The following PPL variants were observed in gnomAD, a reference collection of about 807,000 sequenced individuals.
The protein encoded by PPL is 190 kDa paraneoplastic pemphigus antigen.
Under a neutral mutation model 194.4 loss-of-function variants are expected in PPL, and 198 were observed. That is an observed-to-expected ratio of 1.02 (90% CI 0.91 to 1.15). The LOEUF is 1.15. Among genes scored for constraint, PPL ranks in the 50% most tolerant of loss-of-function variants. PPL has a pLI of 0.00. For missense variants in PPL, 2,885 were observed against 2,294.8 expected (o/e 1.26, Z -5.25); for synonymous variants, 1,220 against 972.4 (o/e 1.25, Z -4.74).
chr16:4,924,771 G>C lies in PPL; in HGVS notation c.62+12213C>G, dbSNP rs1279120961. 3.9e-5 allele frequency among the ~76,000 whole-genome samples: 6 copies of C among 152,326 alleles called. No individual in the cohort carries two copies. The South Asian group carries it at 8.3e-4, about 21-fold the overall frequency. On this transcript the variant is annotated intron_variant, in intron 1 of 21. Coordinates refer to ENST00000345988, the MANE Select transcript of PPL (RefSeq NM_002705.5). Reference sequence around the variant, plus strand: ...CAGAGCCCCTGCAACCCTGTCCATAGGCCATGGGGCTGTGCTGGAGGCACC... The same window carrying C: ...CAGAGCCCCTGCAACCCTGTCCATACGCCATGGGGCTGTGCTGGAGGCACC...
chr16:4,886,725 TCTC>T (rs1464717869), intron 21 of PPL, among the ~76,000 whole-genome samples: 4 of 152,218 alleles, frequency 2.6e-5, no homozygotes, highest in African/African-American at 9.6e-5. Context: ...TTCAAGCAAT[TCTC>T]CTGCCTCAGT....
rs781664389 is a variant in PPL at position 4,884,374 on chromosome 16, C to A, written c.4281G>T (p.Leu1427=). 1.8e-5 allele frequency: 29 copies of A among 1,611,766 alleles called. No individual in the cohort carries two copies. In the South Asian group the frequency reaches 3.2e-4, roughly 18 times the overall value. Residue 1427 remains leucine (L), a synonymous_variant, in exon 22 of 22, where the codon CTG becomes CTT. Transcript: ENST00000345988. This position sits in a 1 kb window ranked among gnomAD's most constrained non-coding sequence, Gnocchi z 5.7. ...CAGCTTCTTCCTGCTCCAGCGCTGCCAGCCGCTGCTGCAACCGCTGTACCT... is the reference window on the plus strand; with the variant it reads ...CAGCTTCTTCCTGCTCCAGCGCTGCAAGCCGCTGCTGCAACCGCTGTACCT... ...EREVQRLQQR[L]AALEQEEAEA... is the part of the protein sequence containing the mutation.
In PPL at chr16:4,885,125, A is replaced by G; in HGVS notation, c.3530T>C (p.Ile1177Thr). ...TTCCGCCTTGGGGTCTGGCCGCACG[A>G]TCTCCCGCACCTTCTCCTGCACCAC... ...KVVVQEKVRE[I>T]VRPDPKAESE... is the part of the protein sequence containing the mutation. Residue 1177 changes from isoleucine (I) to threonine (T), a missense_variant, in exon 22 of 22, where the codon ATC becomes ACC. Coordinates refer to ENST00000345988, the MANE Select transcript of PPL (RefSeq NM_002705.5). The surrounding 1 kb of genome is among the most constrained non-coding windows in gnomAD (Gnocchi z 6.3). 6.2e-7 allele frequency: 1 copy of G among 1,613,742 alleles called. No individual in the cohort carries two copies. Among genetic ancestry groups the G allele is most frequent in the East Asian group, 2.2e-5 (1 of 44,848 alleles).
chr16:4,907,334 ACACACACACACACAC>A (rs2088709882), intron 2 of PPL, among the ~76,000 whole-genome samples: 1 of 151,476 alleles, frequency 6.6e-6, no homozygotes, highest in Non-Finnish European at 1.5e-5. Context: ...ACACACACAC[ACACACACACACACAC>A]ACACACGGAC....
chr16:4,899,921 G>T (rs1239603266), intron 6 of PPL, among the ~76,000 whole-genome samples: 1 of 152,186 alleles, frequency 6.6e-6, no homozygotes, highest in African/African-American at 2.4e-5. Flanking sequence ...TTGCATTTTG[G>T]TACGTGGGGC....
At chr16:4,924,607 G>A (rs1232784349) in intron 1 of PPL, among the ~76,000 whole-genome samples, 4 of 152,114 alleles carry the variant, frequency 2.6e-5, no homozygotes, top group Non-Finnish European at 5.9e-5. Context: ...CCCAGGACAG[G>A]GTCTCCTCTG....
chr16:4,901,028 T>G lies in PPL; in HGVS notation c.500A>C (p.Glu167Ala), dbSNP rs771921801. 2.5e-6 allele frequency: 4 copies of G among 1,614,136 alleles called. No homozygotes were observed. In the Admixed American group the frequency reaches 5.0e-5, roughly 20 times the overall value. ...DLPLVDHQVEEHNIFHNEVKA... is the reference protein window; with the variant it reads ...DLPLVDHQVEAHNIFHNEVKA... ...GACCTCATTGTGGAAGATGTTATGC[T>G]CCTCCACTTGGTGGTCCACCAGCGG... is the stretch of plus-strand genomic sequence containing the variant. Residue 167 changes from glutamate (E) to alanine (A), a missense_variant, in exon 5 of 22, where the codon GAG (glutamate) becomes GCG (alanine). By Grantham distance (107) the Glu-to-Ala change is moderately radical. Transcript: ENST00000345988.
chr16:4,909,828 G>A (rs2088783581), intron 2 of PPL, among the ~76,000 whole-genome samples: 1 of 152,136 alleles, frequency 6.6e-6, no homozygotes, highest in Admixed American at 6.6e-5. Context: ...TAATGTTTTA[G>A]CATAAGCCTT....
At position 4,903,939 on chromosome 16, in the gene PPL, A is replaced by T. The variant is rs767910115; in HGVS notation, c.264T>A (p.Asp88Glu). ...GCTTCATGTGCTTGGCAATGGCCGC[A>T]TCCGCCTCTAGCACATAGAGCAGCT... Reference protein sequence around the residue: ...SEKLLYVLEADAAIAKHMKHP... With the variant: ...SEKLLYVLEAEAAIAKHMKHP... Residue 88 changes from aspartate to glutamate, a missense_variant, in exon 3 of 22, where the codon GAT (aspartate) becomes GAA (glutamate). Transcript: ENST00000345988. 6.2e-7 allele frequency: 1 copy of T among 1,614,102 alleles called. No individual in the cohort carries two copies. The highest frequency in any genetic ancestry group is 8.5e-7 in the Non-Finnish European group (1 of 1,180,044).
chr16:4,888,898 T>G, intron 19 of PPL, 80 bp downstream of exon 19: 1 of 1,397,362 alleles, frequency 7.2e-7, no homozygotes, highest in Middle Eastern at 2.5e-4. Flanking sequence ...CCAGGGCCGG[T>G]GCTTGCTGCT....
At chr16:4,908,317 G>A (rs1446679269) in intron 2 of PPL, among the ~76,000 whole-genome samples, 1 of 151,938 alleles carries the variant, frequency 6.6e-6, no homozygotes, top group African/African-American at 2.4e-5. Flanking sequence ...ACATAGCAAG[G>A]ACCTCTGTCT....
chr16:4,932,116 C>T (rs2089232610), intron 1 of PPL, among the ~76,000 whole-genome samples: 1 of 152,234 alleles, frequency 6.6e-6, no homozygotes, highest in Non-Finnish European at 1.5e-5. Flanking sequence ...CCCTGGACTT[C>T]CAGCATCAGC....
chr16:4,908,162 C>CAAA (rs55889324), intron 2 of PPL, among the ~76,000 whole-genome samples: 14 of 73,058 alleles, frequency 1.9e-4, no homozygotes, highest in Middle Eastern at 7.8e-3. Context: ...AGACTGTCTC[C>CAAA]AAAAAAAAAA....
chr16:4,931,791 C>T (rs891354775), intron 1 of PPL, among the ~76,000 whole-genome samples: 1 of 152,188 alleles, frequency 6.6e-6, no homozygotes, highest in African/African-American at 2.4e-5. Context: ...GGAGCTGAGT[C>T]TCTCCCCCAA....
At chr16:4,903,739 G>C (rs2088623919) in intron 3 of PPL, 147 bp downstream of exon 3, 1 of 886,406 alleles carries the variant, frequency 1.1e-6, no homozygotes. Context: ...AAAAAAGAAA[G>C]GATCATGTGA....
intron 1 of PPL, among the ~76,000 whole-genome samples, chr16:4,914,974 G>A (rs191730234): frequency 6.6e-6 from 1 of 152,176 alleles, no homozygotes; most frequent in Non-Finnish European, 1.5e-5. Context: ...CCTAGAGGCG[G>A]TGAGTCTCAC....
At chr16:4,889,108 A>T (rs575578155) in intron 18 of PPL, 47 bp from the exon 19 acceptor site, 112 of 1,526,432 alleles carry the variant, frequency 7.3e-5, no homozygotes, top group African/African-American at 2.7e-4. Context: ...AAAAAAATTT[A>T]AAAAAGCAAC....
chr16:4,924,826 G>C (rs1233958177), intron 1 of PPL, among the ~76,000 whole-genome samples: 1 of 152,220 alleles, frequency 6.6e-6, no homozygotes, highest in African/African-American at 2.4e-5. Context: ...CCCTTCTCCA[G>C]GCTGCGAGAG....
intron 12 of PPL, 101 bp from the exon 13 acceptor site, chr16:4,893,739 G>T: frequency 2.1e-6 from 2 of 933,934 alleles, no homozygotes; most frequent in Non-Finnish European, 3.2e-6. Flanking sequence ...CCCCAGAGGA[G>T]CCTGACAGCT....
Sources: gnomAD v4.1 joint callset for allele counts (sites outside exome capture counted in the v4.1 genomes callset) on GRCh38, gnomAD v4.1.1 for gene constraint, Gnocchi (gnomAD v3.1) non-coding constraint, MANE v1.5 for transcripts, NCBI Gene and HGNC (gene_info 2026-07-23, HGNC 2026-07-21) for gene names.